Variants in GAK observed in about 807,000 individuals in gnomAD.
GAK encodes the protein cyclin-G-associated kinase.
A neutral mutation model predicts 143.9 loss-of-function variants in GAK; 79 were observed. That is an observed-to-expected ratio of 0.55 (90% CI 0.46 to 0.66). The LOEUF (loss-of-function observed/expected upper bound fraction) is 0.66, where lower values mean the gene tolerates loss of function less well. Among genes scored for constraint, GAK ranks in the 30% least tolerant of loss-of-function variants. The pLI, the probability that GAK is intolerant of heterozygous loss-of-function variation, is 0.00. For synonymous variants in GAK, 881 were observed against 765.5 expected (o/e 1.15, Z -2.49); for missense variants, 1,693 against 1,779.7 (o/e 0.95, Z 0.88).
Position 855,256 on chromosome 4 carries a change from C to T in GAK, c.3284-3282G>A, listed in dbSNP as rs138956400. ...CACTCGCATCTCCTCTGGTCTCTTT[C>T]GCCACGGTTGGTTTTGTAGTCCCAC... On this transcript the variant is annotated intron_variant, in intron 24 of 27. Transcript: ENST00000314167. 1.8e-4 allele frequency among the ~76,000 whole-genome samples: 27 copies of T among 152,062 alleles called. No homozygotes were observed. In the East Asian group the frequency reaches 3.9e-3, roughly 22 times the overall value.
chr4:888,619 G>A, intron 11 of GAK: 2 of 551,834 alleles, frequency 3.6e-6, no homozygotes, highest in East Asian at 3.3e-5. Flanking sequence ...CATCTCCTCA[G>A]CAGGGCCTTG....
intron 4 of GAK, among the ~76,000 whole-genome samples, chr4:909,507 C>A (rs570679914): frequency 1.3e-5 from 2 of 152,128 alleles, no homozygotes; most frequent in African/African-American, 2.4e-5. Context: ...CATGGACGCA[C>A]GGGAGGGGCC....
intron 1 of GAK, among the ~76,000 whole-genome samples, chr4:931,499 A>G (rs1725784803): frequency 6.7e-6 from 1 of 148,530 alleles, no homozygotes. Flanking sequence ...TGGACTGTAG[A>G]AGAACCAGCC....
intron 5 of GAK, 122 bp downstream of exon 5, chr4:904,515 G>A (rs1222702300): frequency 2.6e-6 from 2 of 772,960 alleles, no homozygotes; most frequent in Admixed American, 6.7e-5. Flanking sequence ...AACCGAGCGG[G>A]ACCCGCACAC....
At chr4:918,967 A>G (rs1723486994) in intron 1 of GAK, among the ~76,000 whole-genome samples, 1 of 79,218 alleles carries the variant, frequency 1.3e-5, no homozygotes, top group South Asian at 6.5e-4. Flanking sequence ...AAGGCTCCAA[A>G]GGCCTCAGTG....
chr4:905,121 A>G (rs1029805889), intron 4 of GAK, among the ~76,000 whole-genome samples: 1 of 152,300 alleles, frequency 6.6e-6, no homozygotes, highest in South Asian at 2.1e-4. Flanking sequence ...CTTCGTTTAC[A>G]TGAGGTGAGC....
chr4:888,771 G>C lies in GAK; in HGVS notation c.1205+76C>G, dbSNP rs1717054639. 2.4e-5 allele frequency: 36 copies of C among 1,525,750 alleles called. 1 individual carries two copies. In the South Asian group the frequency reaches 3.7e-4, roughly 16 times the overall value. 94.5% of individuals were successfully genotyped at this position (1,525,750 alleles called of 1,614,324 possible). A position where few individuals can be genotyped will look rare whatever the true frequency, so the allele number is the denominator to read the frequency against. On this transcript the variant is annotated intron_variant, in intron 11 of 27. Transcript: ENST00000314167. ...CCTGATGACCAGCTGTTCCACCGCA[G>C]CCAGGAAGCAAGGGCCGGGGCTGCA...
At chr4:880,665 C>A (rs945490635) in intron 15 of GAK, among the ~76,000 whole-genome samples, 4 of 152,136 alleles carry the variant, frequency 2.6e-5, no homozygotes, top group Non-Finnish European at 5.9e-5. Flanking sequence ...CCAGTTACGT[C>A]CACCCCAGAC....
intron 12 of GAK, 49 bp from the exon 13 acceptor site, chr4:883,512 G>A: frequency 6.2e-7 from 1 of 1,601,284 alleles, no homozygotes. Context: ...GCACCTCGTG[G>A]CCAGGCTGCT....
chr4:914,963 A>C (rs1202992910), intron 1 of GAK, among the ~76,000 whole-genome samples: 11 of 78,508 alleles, frequency 1.4e-4, no homozygotes, highest in South Asian at 4.8e-4. Context: ...ACACGGCCCC[A>C]CACACACACA....
intron 23 of GAK, 139 bp downstream of exon 23, chr4:864,983 G>T: frequency 2.5e-6 from 3 of 1,192,332 alleles, no homozygotes; most frequent in Non-Finnish European, 2.3e-6. Context: ...TGTGTGCGGA[G>T]CCCGCACCAC....
chr4:865,821 C>T (rs975530944), intron 22 of GAK, among the ~76,000 whole-genome samples: 7 of 152,264 alleles, frequency 4.6e-5, no homozygotes, highest in Non-Finnish European at 4.4e-5. Context: ...AGGCTCCTTC[C>T]CCTAGGACCA....
intron 1 of GAK, among the ~76,000 whole-genome samples, chr4:922,763 C>T (rs1400001849): frequency 6.6e-6 from 1 of 152,172 alleles, no homozygotes; most frequent in South Asian, 2.1e-4. Flanking sequence ...ACAAACTAAA[C>T]ACATAATTAC....
intron 6 of GAK, among the ~76,000 whole-genome samples, chr4:897,772 A>G (rs1260214184): frequency 6.6e-6 from 1 of 152,208 alleles, no homozygotes; most frequent in Admixed American, 6.5e-5. Context: ...AACACGGTGA[A>G]ACCCCGTCCC....
rs187145550 is a variant in GAK at position 849,553 on chromosome 4, G to A, written c.*120C>T. Reference sequence around the variant, plus strand: ...AACGCTGGGCGGGCGGTGACCCGGGGCTCGGAGCCCCACCCTGGCCACACC... The same window carrying A: ...AACGCTGGGCGGGCGGTGACCCGGGACTCGGAGCCCCACCCTGGCCACACC... On this transcript the variant is annotated 3_prime_UTR_variant, in exon 28 of 28. Coordinates refer to ENST00000314167, the MANE Select transcript of GAK (RefSeq NM_005255.4). 2.3e-3 allele frequency: 1,571 copies of A among 697,548 alleles called. 6 individuals are homozygous for A. The highest frequency in any genetic ancestry group is 6.2e-3 in the Middle Eastern group (17 of 2,750). 43.2% of individuals were successfully genotyped at this position (697,548 alleles called of 1,614,324 possible).
chr4:892,680 G>A (rs1717908559), intron 9 of GAK, among the ~76,000 whole-genome samples: 3 of 152,174 alleles, frequency 2.0e-5, no homozygotes, highest in Admixed American at 2.0e-4. Flanking sequence ...GCCCAGAGCT[G>A]AGCTGAGGGT....
At chr4:913,307 T>C (rs375423977) in intron 2 of GAK, among the ~76,000 whole-genome samples, 3 of 152,356 alleles carry the variant, frequency 2.0e-5, no homozygotes, top group Non-Finnish European at 2.9e-5. Flanking sequence ...CTTGTATTCA[T>C]AGAGCCCTTA....
chr4:849,833 G>GGGCCCCCC, intron 27 of GAK, 59 bp from the exon 28 acceptor site: 1 of 1,190,152 alleles, frequency 8.4e-7, no homozygotes, highest in Non-Finnish European at 1.2e-6. Context: ...GGCGGGGCAG[G>GGGCCCCCC]ACCCCCCCCC....
intron 23 of GAK, among the ~76,000 whole-genome samples, chr4:860,076 G>C (rs190842180): frequency 4.9e-4 from 75 of 152,324 alleles, no homozygotes; most frequent in Admixed American, 2.1e-3. Flanking sequence ...AATATCCTAA[G>C]TATAAAATCA....
Sources: allele counts gnomAD v4.1 joint callset (sites outside exome capture counted in the v4.1 genomes callset), GRCh38; gene constraint gnomAD v4.1.1; transcripts MANE v1.5; gene names NCBI Gene and HGNC (gene_info 2026-07-23, HGNC 2026-07-21).